MAP7D3: variants seen among roughly 807,000 people sequenced by gnomAD.
MAP7D3 encodes MAP7 domain-containing protein 3.
In MAP7D3, 45 loss-of-function variants were observed where a neutral mutation model predicts 62.2. The observed-to-expected ratio is 0.72, with a 90% CI of 0.57 to 0.93. The LOEUF (loss-of-function observed/expected upper bound fraction) is 0.93. Among genes scored for constraint, MAP7D3 ranks in the 40% least tolerant of loss-of-function variants. The probability of loss-of-function intolerance (pLI) is 0.00; values close to 1 mark genes in which losing one functional copy is unlikely to be tolerated. For synonymous variants in MAP7D3, 288 were observed against 248.8 expected (o/e 1.16, Z -1.48); for missense variants, 711 against 683.1 (o/e 1.04, Z -0.45).
chrX:136,246,173 A>G (rs1260043263), intron 2 of MAP7D3, 25 bp from the exon 3 acceptor site: 25 of 1,125,958 alleles, frequency 2.2e-5, no homozygotes, highest in Non-Finnish European at 3.0e-5. Context: ...ATATAGTTAG[A>G]TATTAATAGG....
intron 7 of MAP7D3, among the ~76,000 whole-genome samples, chrX:136,235,286 C>G: frequency 8.9e-6 from 1 of 112,161 alleles, no homozygotes; most frequent in Non-Finnish European, 1.9e-5. Context: ...ATATCTTGCT[C>G]CAATAAATCT....
At chrX:136,252,514 T>G (rs1271584318), upstream of MAP7D3, among the ~76,000 whole-genome samples, 2 of 104,187 alleles carry the variant, frequency 1.9e-5, no homozygotes, top group South Asian at 8.6e-4. Flanking sequence ...CCGACTCTAC[T>G]AAAAATACAA....
Position 136,219,683 on chromosome X carries a change from C to G in MAP7D3, c.2487-12G>C. On this transcript the variant is annotated splice_polypyrimidine_tract_variant and intron_variant, in intron 16 of 18. Transcript: ENST00000316077. Reference sequence around the variant, plus strand: ...TTTTGGAAGATGGTCTGGAAAGAGACAGTTTGGTTAGAATCCCAATTATTC... The same window carrying G: ...TTTTGGAAGATGGTCTGGAAAGAGAGAGTTTGGTTAGAATCCCAATTATTC... 1.7e-6 allele frequency: 2 copies of G among 1,177,967 alleles called. No individual in the cohort carries two copies. The highest frequency in any genetic ancestry group is 2.3e-6 in the Non-Finnish European group (2 of 864,515).
intron 6 of MAP7D3, among the ~76,000 whole-genome samples, chrX:136,236,776 T>C (rs766692635): frequency 3.6e-5 from 4 of 111,888 alleles, no homozygotes; most frequent in Non-Finnish European, 7.5e-5. Flanking sequence ...CCAATATCAA[T>C]CATTTAGATA....
chrX:136,250,378 G>A (rs1335259791), intron 1 of MAP7D3, among the ~76,000 whole-genome samples: 3 of 112,303 alleles, frequency 2.7e-5, no homozygotes, highest in Non-Finnish European at 5.6e-5. Context: ...CTGAAAGGAA[G>A]AAATCCTATC....
At chrX:136,221,515 C>T (rs1449232242) in intron 15 of MAP7D3, among the ~76,000 whole-genome samples, 6 of 111,324 alleles carry the variant, frequency 5.4e-5, no homozygotes, top group Non-Finnish European at 5.7e-5. Context: ...TTAGTAGAGA[C>T]GGGGTTTCAC....
chrX:136,246,280 T>G lies in MAP7D3; in HGVS notation c.132A>C (p.Ala44=). 1 of 1,205,830 alleles carries G rather than the reference T, an allele frequency of 8.3e-7. No individual in the cohort carries two copies. The highest frequency in any genetic ancestry group is 1.1e-6 in the Non-Finnish European group (1 of 890,276). ...TCGATCTTATATTTGAGGAATGGGT[T>G]GCAACACGATTAACCACATCTTGCT... is the stretch of plus-strand genomic sequence containing the variant. ...RRKQDVVNRV[A]THSSNIRSTF... is the part of the protein sequence containing the mutation. The change falls in exon 2 of 19, where the codon GCA becomes GCC. Residue 44 remains alanine, a synonymous_variant. Coordinates refer to ENST00000316077, the MANE Select transcript of MAP7D3 (RefSeq NM_024597.4).
At chrX:136,216,383 A>G (rs1181284967), downstream of MAP7D3, among the ~76,000 whole-genome samples, 5 of 97,115 alleles carry the variant, frequency 5.1e-5, no homozygotes, top group African/African-American at 1.8e-4. Flanking sequence ...AAAAAAAAAG[A>G]AAAAAAGAGA....
In MAP7D3 at chrX:136,219,674, G is replaced by A. The variant is rs747593234; in HGVS notation, c.2487-3C>T. On this transcript the variant is annotated splice_region_variant and splice_polypyrimidine_tract_variant and intron_variant, in intron 16 of 18. Transcript: ENST00000316077. ...TGGTCATTCTTTTGGAAGATGGTCT[G>A]GAAAGAGACAGTTTGGTTAGAATCC... 6.0e-5 allele frequency: 72 copies of A among 1,192,723 alleles called. No individual in the cohort carries two copies. Among genetic ancestry groups the A allele is most frequent in the Non-Finnish European group, 7.8e-5 (69 of 879,128 alleles).
Position 136,241,318 on chromosome X carries a change from A to C in MAP7D3, c.418-41T>G, listed in dbSNP as rs765362273. On this transcript the variant is annotated intron_variant, in intron 4 of 18. Coordinates refer to ENST00000316077, the MANE Select transcript of MAP7D3 (RefSeq NM_024597.4). Reference sequence around the variant, plus strand: ...GCCAACATATTTTTACATATTCATCAAATTAGTATAATTTTGATCTGTGGT... The same window carrying C: ...GCCAACATATTTTTACATATTCATCCAATTAGTATAATTTTGATCTGTGGT... 14 of 747,186 alleles carry C rather than the reference A, an allele frequency of 1.9e-5. No individual in the cohort carries two copies. The African/African-American group carries it at 2.6e-4, about 14-fold the overall frequency. 61.6% of individuals were successfully genotyped at this position (747,186 alleles called of 1,213,427 possible). A position where few individuals can be genotyped will look rare whatever the true frequency, so the allele number is the denominator to read the frequency against.
intron 6 of MAP7D3, among the ~76,000 whole-genome samples, chrX:136,238,413 G>A (rs1603281473): frequency 8.9e-6 from 1 of 112,063 alleles, no homozygotes; most frequent in African/African-American, 3.2e-5. Context: ...GTAAAACAGA[G>A]TCAATGCTTG....
At chrX:136,231,285 A>G (rs1329884098) in intron 8 of MAP7D3, 2 of 346,999 alleles carry the variant, frequency 5.8e-6, no homozygotes, top group African/African-American at 2.6e-5. Flanking sequence ...GAGTTTAGAA[A>G]CAGAGTTCAT....
At chrX:136,222,972 C>T (rs1475671005) in intron 14 of MAP7D3, among the ~76,000 whole-genome samples, 2 of 110,416 alleles carry the variant, frequency 1.8e-5, no homozygotes, top group Non-Finnish European at 3.8e-5. Flanking sequence ...TCCCAAGTAG[C>T]TGGGACTATA....
At chrX:136,244,899 T>G (rs1009350763) in intron 3 of MAP7D3, 104 bp from the exon 4 acceptor site, 37 of 576,460 alleles carry the variant, frequency 6.4e-5, no homozygotes, top group Non-Finnish European at 9.3e-5. Flanking sequence ...CTCATTCACT[T>G]TCTTAAAATA....
rs776712349 is a variant in MAP7D3 at position 136,219,567 on chromosome X, C to T, written c.2565+26G>A. Reference sequence around the variant, plus strand: ...AATGTTGGTGATCTTGTCACAGATACGCTGCTGCTCATAATTCATACTAAC... The same window carrying T: ...AATGTTGGTGATCTTGTCACAGATATGCTGCTGCTCATAATTCATACTAAC... On this transcript the variant is annotated intron_variant, in intron 17 of 18. Transcript: ENST00000316077. 39 of 1,172,691 alleles carry T rather than the reference C, an allele frequency of 3.3e-5. No individual in the cohort carries two copies. In the South Asian group the frequency reaches 3.4e-4, roughly 10 times the overall value.
At chrX:136,255,005 C>T (rs768252385), upstream of MAP7D3, among the ~76,000 whole-genome samples, 12 of 112,188 alleles carry the variant, frequency 1.1e-4, no homozygotes, top group Non-Finnish European at 1.7e-4. Context: ...CACCTGAGGT[C>T]AGGATTCCCA....
intron 8 of MAP7D3, 45 bp downstream of exon 8, chrX:136,231,499 A>G (rs758326515): frequency 1.6e-4 from 168 of 1,049,996 alleles, no homozygotes; most frequent in Non-Finnish European, 2.1e-4. Flanking sequence ...AACAAAATAT[A>G]CATATTTTAA....
intron 6 of MAP7D3, among the ~76,000 whole-genome samples, chrX:136,236,854 T>G (rs1164125510): frequency 8.9e-6 from 1 of 111,781 alleles, no homozygotes; most frequent in African/African-American, 3.3e-5. Flanking sequence ...ACTTGTAGGC[T>G]CTAACAGACT....
At chrX:136,246,944 C>A (rs2074455064) in intron 1 of MAP7D3, among the ~76,000 whole-genome samples, 1 of 112,074 alleles carries the variant, frequency 8.9e-6, no homozygotes, top group Non-Finnish European at 1.9e-5. Flanking sequence ...CCTGCCCGCT[C>A]CCCATCACCA....
Sources: gnomAD v4.1 joint callset for allele counts (sites outside exome capture counted in the v4.1 genomes callset) on GRCh38, gnomAD v4.1.1 for gene constraint, MANE v1.5 for transcripts, NCBI Gene and HGNC (gene_info 2026-07-23, HGNC 2026-07-21) for gene names.